Variants in RAPGEF1 observed in about 807,000 individuals in gnomAD.
RAPGEF1 encodes CRK SH3-binding GNRP.
RAPGEF1 carries 33 observed loss-of-function variants against 143.3 expected under a neutral mutation model. The observed-to-expected ratio is 0.23, with a 90% CI of 0.17 to 0.31. The LOEUF (loss-of-function observed/expected upper bound fraction) is 0.31, where lower values mean the gene tolerates loss of function less well. Ranked by LOEUF, RAPGEF1 falls within the 10% of genes least tolerant of loss-of-function variation. The pLI is 1.00. For missense variants in RAPGEF1, 1,199 were observed against 1,645.4 expected (o/e 0.73, Z 4.69); for synonymous variants, 629 against 676.5 (o/e 0.93, Z 1.09).
chr9:131,619,707 G>A (rs1960191309), intron 11 of RAPGEF1, among the ~76,000 whole-genome samples: 1 of 152,222 alleles, frequency 6.6e-6, no homozygotes, highest in African/African-American at 2.4e-5. Flanking sequence ...TCCTGTACAG[G>A]GCTGTTGGGA....
At chr9:131,712,631 C>T (rs1835589008) in intron 1 of RAPGEF1, among the ~76,000 whole-genome samples, 1 of 152,214 alleles carries the variant, frequency 6.6e-6, no homozygotes, top group Admixed American at 6.5e-5. Flanking sequence ...AGTTACAGAA[C>T]CTGGGCTCAG....
chr9:131,714,264 C>T (rs1040833137), intron 1 of RAPGEF1, among the ~76,000 whole-genome samples: 1 of 151,938 alleles, frequency 6.6e-6, no homozygotes, highest in Non-Finnish European at 1.5e-5. Context: ...ACACGCAAGA[C>T]GCTGTTGGCT....
At chr9:131,696,379 T>G (rs750080681) in intron 1 of RAPGEF1, among the ~76,000 whole-genome samples, 1 of 152,148 alleles carries the variant, frequency 6.6e-6, no homozygotes, top group Admixed American at 6.5e-5. Context: ...GGGCTTTCCT[T>G]AAAAAGGAAA....
At chr9:131,691,251 A>C (rs61176351) in intron 1 of RAPGEF1, among the ~76,000 whole-genome samples, 2,868 of 152,292 alleles carry the variant, frequency 0.019, 98 homozygotes, top group African/African-American at 0.064. Flanking sequence ...ATTTTTGACA[A>C]ACTTCTCAAA....
At chr9:131,643,125 T>TG in intron 4 of RAPGEF1, 114 bp downstream of exon 4, 2 of 1,196,098 alleles carry the variant, frequency 1.7e-6, no homozygotes, top group Non-Finnish European at 2.3e-6. Context: ...TGAGGGGTGA[T>TG]GGAGTCCTTT....
intron 10 of RAPGEF1, among the ~76,000 whole-genome samples, chr9:131,623,393 G>A (rs1026725684): frequency 6.6e-6 from 1 of 152,186 alleles, no homozygotes; most frequent in African/African-American, 2.4e-5. Flanking sequence ...CTTGAACCCA[G>A]GAGTTCAAGG....
At chr9:131,610,186 G>A (rs1296230653) in intron 12 of RAPGEF1, among the ~76,000 whole-genome samples, 1 of 152,196 alleles carries the variant, frequency 6.6e-6, no homozygotes, top group African/African-American at 2.4e-5. Context: ...GTGAGCCATC[G>A]TGCCCAGCAG....
At chr9:131,608,335 C>T (rs76583423) in intron 12 of RAPGEF1, among the ~76,000 whole-genome samples, 2,826 of 152,322 alleles carry the variant, frequency 0.019, 72 homozygotes, top group African/African-American at 0.05. Context: ...TACATATTTG[C>T]TGATACGTAT....
At chr9:131,713,653 A>G (rs555296889) in intron 1 of RAPGEF1, among the ~76,000 whole-genome samples, 1 of 152,178 alleles carries the variant, frequency 6.6e-6, no homozygotes, top group South Asian at 2.1e-4. Flanking sequence ...TAAAGGTTAA[A>G]TAAGAATTCA....
chr9:131,588,679 C>T (rs1411570091), intron 20 of RAPGEF1, 122 bp downstream of exon 20: 3 of 1,035,968 alleles, frequency 2.9e-6, no homozygotes, highest in Non-Finnish European at 4.1e-6. Flanking sequence ...GTTCCTGAGG[C>T]ACCTCATCAA....
chr9:131,633,151 C>T (rs1965402507), intron 5 of RAPGEF1, among the ~76,000 whole-genome samples: 1 of 152,216 alleles, frequency 6.6e-6, no homozygotes, highest in Admixed American at 6.5e-5. Flanking sequence ...TTAATACTTG[C>T]ATGTTAGCAC....
Position 131,584,361 on chromosome 9 carries a change from G to A in RAPGEF1, c.3364C>T (p.Leu1122=), listed in dbSNP as rs756905802. 3.1e-6 allele frequency: 5 copies of A among 1,613,818 alleles called. No homozygotes were observed. Among genetic ancestry groups the A allele is most frequent in the Non-Finnish European group, 4.2e-6 (5 of 1,179,802 alleles). The part of the protein sequence containing the change: ...FNSYLAILSA[L]DSAPIRRLEW... ...AGCCTGCGGATGGGCGCCGAGTCCA[G>A]GGCAGAGAGGATGGCCAAGTAGGAG... Residue 1122 remains leucine, a synonymous_variant, in exon 24 of 27, where the codon CTG becomes TTG. Transcript: ENST00000683357. This position sits in a 1 kb window ranked among gnomAD's most constrained non-coding sequence, Gnocchi z 6.8.
At chr9:131,580,551 C>T (rs1440511044) in intron 25 of RAPGEF1, among the ~76,000 whole-genome samples, 160 bp from the exon 26 acceptor site, 5 of 152,288 alleles carry the variant, frequency 3.3e-5, no homozygotes, top group East Asian at 1.9e-4. Context: ...AACAAACTCC[C>T]GCCTCAGCCT....
intron 10 of RAPGEF1, among the ~76,000 whole-genome samples, chr9:131,624,425 C>T (rs912945562): frequency 2.6e-5 from 4 of 152,228 alleles, no homozygotes; most frequent in African/African-American, 4.8e-5. Flanking sequence ...TAGGGATTTT[C>T]AGCCACTTGA....
intron 1 of RAPGEF1, among the ~76,000 whole-genome samples, chr9:131,733,365 C>CGGGGGGGGGGG (rs56890673): frequency 1.3e-5 from 1 of 75,286 alleles, no homozygotes; most frequent in Non-Finnish European, 2.6e-5. Context: ...GGGGCGGGGG[C>CGGGGGGGGGGG]GGGGGGGGGG....
At chr9:131,598,446 A>G (rs986487826) in intron 15 of RAPGEF1, 136 bp from the exon 16 acceptor site, 5 of 729,466 alleles carry the variant, frequency 6.9e-6, no homozygotes, top group South Asian at 3.0e-5. Context: ...CTACGTCACT[A>G]TGGACTGGAT....
intron 1 of RAPGEF1, among the ~76,000 whole-genome samples, chr9:131,714,286 C>CT (rs1835705822): frequency 6.6e-6 from 1 of 151,784 alleles, no homozygotes; most frequent in South Asian, 2.1e-4. Flanking sequence ...CAGACGAACT[C>CT]TGAGTCAGGA....
chr9:131,641,743 G>A lies in RAPGEF1; in HGVS notation c.494+1496C>T, dbSNP rs1395886801. ...CGAACACTTCTAAGAGCCGGAGCTGGACTGACTCTGGGAAAGACAGTGAAG... is the reference window on the plus strand; with the variant it reads ...CGAACACTTCTAAGAGCCGGAGCTGAACTGACTCTGGGAAAGACAGTGAAG... On this transcript the variant is annotated intron_variant, in intron 4 of 26. Coordinates refer to ENST00000683357, the MANE Select transcript of RAPGEF1 (RefSeq NM_001377935.1). This position sits in a 1 kb window ranked among gnomAD's most constrained non-coding sequence, Gnocchi z 4.6. 1.3e-5 allele frequency among the ~76,000 whole-genome samples: 2 copies of A among 152,194 alleles called. No homozygotes were observed. The highest frequency in any genetic ancestry group is 2.9e-5 in the Non-Finnish European group (2 of 68,036).
At chr9:131,696,495 C>A (rs1271382809) in intron 1 of RAPGEF1, among the ~76,000 whole-genome samples, 1 of 152,222 alleles carries the variant, frequency 6.6e-6, no homozygotes, top group Non-Finnish European at 1.5e-5. Flanking sequence ...GTACACTGTA[C>A]TTTACAGATG....
Sources: gnomAD v4.1 joint callset for allele counts (sites outside exome capture counted in the v4.1 genomes callset) on GRCh38, gnomAD v4.1.1 for gene constraint, Gnocchi (gnomAD v3.1) non-coding constraint, MANE v1.5 for transcripts, NCBI Gene and HGNC (gene_info 2026-07-23, HGNC 2026-07-21) for gene names.